Variants in STPG2 observed in about 807,000 individuals in gnomAD.
STPG2 encodes sperm-tail PG-rich repeat-containing protein 2.
Under a neutral mutation model 54.2 loss-of-function variants are expected in STPG2, and 56 were observed. The observed-to-expected ratio is 1.03, with a 90% confidence interval of 0.83 to 1.29. STPG2 has a LOEUF of 1.29. STPG2 is among the 50% of genes most tolerant of loss of function. STPG2 has a pLI of 0.00. For missense variants in STPG2, 596 were observed against 544.9 expected, an observed-to-expected ratio of 1.09 and a Z score of -0.93; for synonymous variants, 200 against 181.8, an observed-to-expected ratio of 1.10 and a Z score of -0.81.
chr4:97,554,415 T>G (rs1219815536), downstream of STPG2, among the ~76,000 whole-genome samples: 1 of 152,188 alleles, frequency 6.6e-6, no homozygotes, highest in Non-Finnish European at 1.5e-5. Flanking sequence ...GATATCTTTT[T>G]CTGATTGTAC....
intron 9 of STPG2, among the ~76,000 whole-genome samples, chr4:97,839,925 G>A (rs1481856283): frequency 6.6e-6 from 1 of 151,392 alleles, no homozygotes; most frequent in Non-Finnish European, 1.5e-5. Context: ...TGGTATGGTT[G>A]TTTAGTGGGA....
Position 97,972,379 on chromosome 4 carries a change from T to C in STPG2, c.834A>G (p.Ser278=). Residue 278 remains serine, a synonymous_variant, in exon 7 of 11, where the codon TCA becomes TCG. Transcript: ENST00000295268. Reference sequence around the variant, plus strand: ...CAAATGCACTTTTCTTCTGTTTCTTTGAGCAGATATTTCTAACACTGGCAA... The same window carrying C: ...CAAATGCACTTTTCTTCTGTTTCTTCGAGCAGATATTTCTAACACTGGCAA... The part of the protein sequence containing the change: ...TIIASVRNIC[S]KKQKKSAFGS... The C allele has an allele frequency of 6.2e-7, 1 of 1,608,926 alleles. No homozygotes were observed. Among genetic ancestry groups the C allele is most frequent in the Non-Finnish European group, 8.5e-7 (1 of 1,176,604 alleles).
intron 1 of STPG2, among the ~76,000 whole-genome samples, chr4:98,135,052 GA>G (rs1740101242): frequency 6.6e-6 from 1 of 151,704 alleles, no homozygotes; most frequent in African/African-American, 2.4e-5. Flanking sequence ...ACACTCTACT[GA>G]AAAACTGGTA....
chr4:97,933,915 T>A (rs547895677), intron 8 of STPG2, among the ~76,000 whole-genome samples: 1 of 152,286 alleles, frequency 6.6e-6, no homozygotes, highest in East Asian at 1.9e-4. Context: ...TCAATGGTAG[T>A]TTGATGGGAA....
chr4:97,467,323 G>A (rs1302394738), intron 4 of STPG2, among the ~76,000 whole-genome samples: 1 of 151,112 alleles, frequency 6.6e-6, no homozygotes, highest in Non-Finnish European at 1.5e-5. Context: ...TTTTAAATTG[G>A]GTAAAAAGCA....
intron 5 of STPG2, among the ~76,000 whole-genome samples, chr4:98,047,852 C>T (rs1486125645): frequency 6.6e-6 from 1 of 152,046 alleles, no homozygotes; most frequent in Admixed American, 6.5e-5. Context: ...AGAATTTATT[C>T]TGAGATTTTA....
intron 10 of STPG2, among the ~76,000 whole-genome samples, chr4:97,650,960 C>T (rs1578454119): frequency 6.6e-6 from 1 of 151,822 alleles, no homozygotes; most frequent in East Asian, 1.9e-4. Flanking sequence ...AGAATTTATG[C>T]TTTGTAGGGC....
At chr4:97,797,851 G>A (rs1423098714) in intron 9 of STPG2, among the ~76,000 whole-genome samples, 1 of 152,148 alleles carries the variant, frequency 6.6e-6, no homozygotes, top group Non-Finnish European at 1.5e-5. Context: ...ATTAATTATT[G>A]CCTCAATTTC....
chr4:97,548,107 G>GC (rs1287946048), intron 4 of STPG2, among the ~76,000 whole-genome samples: 1 of 152,040 alleles, frequency 6.6e-6, no homozygotes, highest in Non-Finnish European at 1.5e-5. Flanking sequence ...CCAAGATCAC[G>GC]CCATTGCACT....
chr4:97,599,981 A>G (rs1733415447), intron 10 of STPG2, among the ~76,000 whole-genome samples: 1 of 152,170 alleles, frequency 6.6e-6, no homozygotes, highest in Admixed American at 6.5e-5. Context: ...ATGAACTAAC[A>G]CAGACACAGA....
At chr4:97,974,567 G>C (rs1218429538) in intron 6 of STPG2, among the ~76,000 whole-genome samples, 1 of 152,164 alleles carries the variant, frequency 6.6e-6, no homozygotes, top group Admixed American at 6.5e-5. Flanking sequence ...GGAACCTGGT[G>C]GGAGGTAATT....
At chr4:97,712,662 T>G in intron 10 of STPG2, 37 bp downstream of exon 10, 1 of 1,403,880 alleles carries the variant, frequency 7.1e-7, no homozygotes. Flanking sequence ...ATTAATTCTA[T>G]TCTTGTGTCA....
At position 97,583,845 on chromosome 4, in the gene STPG2, G is replaced by A. The variant is rs545697709; in HGVS notation, c.1321-24728C>T. Among the ~76,000 whole-genome samples, 625 of 151,796 alleles carry A rather than the reference G, an allele frequency of 4.1e-3. 3 individuals carry two copies. The highest frequency in any genetic ancestry group is 0.021 in the South Asian group (99 of 4,798). On this transcript the variant is annotated intron_variant, in intron 10 of 10. Coordinates refer to ENST00000295268, the MANE Select transcript of STPG2 (RefSeq NM_174952.3). ...AAATATCATAATCCTAAATATATATGCACCTAACATGGGAGCTCCCAAATT... is the reference window on the plus strand; with the variant it reads ...AAATATCATAATCCTAAATATATATACACCTAACATGGGAGCTCCCAAATT...
At chr4:97,722,508 G>A (rs1053643633) in intron 9 of STPG2, among the ~76,000 whole-genome samples, 1 of 151,882 alleles carries the variant, frequency 6.6e-6, no homozygotes, top group Admixed American at 6.6e-5. Context: ...TTTATTTTGT[G>A]TCTGTTAGAA....
intron 9 of STPG2, among the ~76,000 whole-genome samples, chr4:97,730,031 G>T (rs1724749896): frequency 1.3e-5 from 2 of 152,210 alleles, no homozygotes; most frequent in South Asian, 2.1e-4. Flanking sequence ...AGATACAGGG[G>T]TACATATGCG....
intron 5 of STPG2, among the ~76,000 whole-genome samples, chr4:97,990,223 C>A (rs1352854129): frequency 2.0e-5 from 3 of 152,000 alleles, no homozygotes; most frequent in African/African-American, 7.2e-5. Flanking sequence ...TTGTAAAGAT[C>A]CTAATGTTAT....
At chr4:97,733,537 T>C (rs914101398) in intron 9 of STPG2, among the ~76,000 whole-genome samples, 9 of 152,016 alleles carry the variant, frequency 5.9e-5, no homozygotes, top group African/African-American at 2.2e-4. Flanking sequence ...TACTATATAA[T>C]TCATTCGTGT....
intron 8 of STPG2, among the ~76,000 whole-genome samples, chr4:97,936,467 T>C (rs1483048102): frequency 2.0e-5 from 3 of 152,208 alleles, no homozygotes; most frequent in African/African-American, 4.8e-5. Context: ...GGTTTCTTCA[T>C]TGTTTCATTG....
chr4:97,945,875 ATGG>A (rs1303700983), intron 7 of STPG2, among the ~76,000 whole-genome samples: 1 of 152,230 alleles, frequency 6.6e-6, no homozygotes, highest in East Asian at 1.9e-4. Flanking sequence ...CCTGAGCAAT[ATGG>A]TGAAACCCTA....
Sources: gnomAD v4.1 joint callset for allele counts (sites outside exome capture counted in the v4.1 genomes callset) on GRCh38, gnomAD v4.1.1 for gene constraint, MANE v1.5 for transcripts, NCBI Gene and HGNC (gene_info 2026-07-23, HGNC 2026-07-21) for gene names.